Variants in SEC14L1 observed in about 807,000 individuals in gnomAD.
SEC14L1 encodes SEC14 like lipid binding 1, also known as SEC14-like protein 1.
In SEC14L1, 48 loss-of-function variants were observed where a neutral mutation model predicts 85.3. That is an observed-to-expected ratio of 0.56 (90% CI 0.45 to 0.72). SEC14L1 has a LOEUF of 0.72. Ranked by LOEUF, SEC14L1 falls within the 30% of genes least tolerant of loss-of-function variation. The pLI, the probability that SEC14L1 is intolerant of heterozygous loss-of-function variation, is 0.00. For synonymous variants in SEC14L1, 391 were observed against 355.5 expected, an observed-to-expected ratio of 1.10 and a Z score of -1.12; for missense variants, 682 against 921.4, an observed-to-expected ratio of 0.74 and a Z score of 3.36.
intron 2 of SEC14L1, among the ~76,000 whole-genome samples, chr17:77,091,967 A>G (rs1971529237): frequency 6.6e-6 from 1 of 152,098 alleles, no homozygotes; most frequent in African/African-American, 2.4e-5. Context: ...ACATGCCATC[A>G]CACCCGGCTA....
Position 77,190,886 on chromosome 17 carries a change from T to A in SEC14L1, c.147T>A (p.Asp49Glu). ...CTGTGAATGAATTCAAGAGCGAAGA[T>A]GGGGCTATTCATGTCATTGAAAGGC... ...SDTVNEFKSE[D>E]GAIHVIERRC... Residue 49 changes from aspartate to glutamate, a missense_variant, in exon 4 of 17, where the codon GAT becomes GAA. Transcript: ENST00000436233. 1 of 1,614,216 alleles carries A rather than the reference T, an allele frequency of 6.2e-7. No individual in the cohort carries two copies. The highest frequency in any genetic ancestry group is 8.5e-7 in the Non-Finnish European group (1 of 1,180,026).
At chr17:77,090,718 G>A (rs549112967) in intron 2 of SEC14L1, among the ~76,000 whole-genome samples, 9 of 152,002 alleles carry the variant, frequency 5.9e-5, no homozygotes, top group Non-Finnish European at 1.2e-4. Context: ...AGCTGGGCGC[G>A]GTGGCTCACA....
intron 7 of SEC14L1, 142 bp from the exon 8 acceptor site, chr17:77,196,060 A>T (rs769047472): frequency 9.5e-6 from 6 of 628,506 alleles, no homozygotes; most frequent in Non-Finnish European, 1.7e-5. Flanking sequence ...CCTCTAAGGA[A>T]TCTGGTTTAC....
chr17:77,125,165 T>C (rs1355259733), intron 3 of SEC14L1, among the ~76,000 whole-genome samples: 1 of 151,848 alleles, frequency 6.6e-6, no homozygotes, highest in East Asian at 1.9e-4. Context: ...CCCGGCTAAT[T>C]TTTCTATTTT....
intron 3 of SEC14L1, among the ~76,000 whole-genome samples, chr17:77,165,066 C>T (rs778029953): frequency 3.3e-5 from 5 of 152,184 alleles, no homozygotes; most frequent in African/African-American, 7.2e-5. Context: ...TCCTGTTACT[C>T]AGTACCCCTT....
intron 2 of SEC14L1, among the ~76,000 whole-genome samples, chr17:77,090,667 C>T (rs530010851): frequency 3.3e-5 from 5 of 151,908 alleles, no homozygotes; most frequent in African/African-American, 1.2e-4. Context: ...GCCCAGAAAG[C>T]AAAGTGGAGA....
chr17:77,180,088 GTTA>G (rs1376622393), intron 3 of SEC14L1, among the ~76,000 whole-genome samples: 4 of 139,282 alleles, frequency 2.9e-5, no homozygotes, highest in African/African-American at 5.2e-5. Flanking sequence ...GTTATGTTAT[GTTA>G]TGTTATGTTA....
chr17:77,153,223 C>T (rs898879615), intron 3 of SEC14L1, among the ~76,000 whole-genome samples: 8 of 152,304 alleles, frequency 5.3e-5, no homozygotes, highest in Admixed American at 2.0e-4. Context: ...TGCGCCACCA[C>T]GCCCGGCTAA....
At chr17:77,119,827 C>T (rs1487091740) in intron 3 of SEC14L1, among the ~76,000 whole-genome samples, 2 of 152,140 alleles carry the variant, frequency 1.3e-5, no homozygotes, top group African/African-American at 4.8e-5. Context: ...CCAAAGCTGT[C>T]ACTATGAGAA....
chr17:77,105,601 AC>A (rs1185716194), intron 3 of SEC14L1, among the ~76,000 whole-genome samples: 6 of 152,064 alleles, frequency 3.9e-5, no homozygotes, highest in African/African-American at 1.4e-4. Context: ...GAAAAACTTT[AC>A]CCTCATGTTC....
intron 5 of SEC14L1, among the ~76,000 whole-genome samples, chr17:77,192,590 G>T (rs1298438059): frequency 6.6e-6 from 1 of 151,872 alleles, no homozygotes; most frequent in Non-Finnish European, 1.5e-5. Context: ...CTCCCATCTC[G>T]GCTCAGGTCA....
chr17:77,089,787 G>A (rs141525298), intron 2 of SEC14L1: 2,818 of 204,376 alleles, frequency 0.014, 35 homozygotes, highest in Middle Eastern at 0.025. Flanking sequence ...AGGCCGAGGC[G>A]GGTGGATCAC....
chr17:77,119,602 G>T (rs1246711366), intron 3 of SEC14L1, among the ~76,000 whole-genome samples: 1 of 152,166 alleles, frequency 6.6e-6, no homozygotes, highest in African/African-American at 2.4e-5. Flanking sequence ...CAGGATCAAA[G>T]AGTATGTATT....
intron 3 of SEC14L1, among the ~76,000 whole-genome samples, chr17:77,125,709 G>C (rs1445783043): frequency 2.0e-5 from 3 of 152,184 alleles, no homozygotes; most frequent in Non-Finnish European, 4.4e-5. Context: ...GCTTTCACTC[G>C]GGGCCTTCCT....
intron 3 of SEC14L1, among the ~76,000 whole-genome samples, chr17:77,105,078 GT>G (rs1971878025): frequency 6.6e-6 from 1 of 152,080 alleles, no homozygotes; most frequent in Non-Finnish European, 1.5e-5. Context: ...ATTCTTTTGA[GT>G]TTCTGATGAG....
At chr17:77,116,012 G>A (rs1460492664) in intron 3 of SEC14L1, among the ~76,000 whole-genome samples, 1 of 151,552 alleles carries the variant, frequency 6.6e-6, no homozygotes, top group African/African-American at 2.4e-5. Flanking sequence ...TCCAACTCCT[G>A]GGCTCAGGCG....
At position 77,213,564 on chromosome 17, in the gene SEC14L1, C is replaced by A. The variant is rs1282511359; in HGVS notation, c.2042+72C>A. Reference sequence around the variant, plus strand: ...GTTGGAGGGAGCCTGCAGTCCCACGCCGTGTGCAGGATCAGCAGTGGCGGC... The same window carrying A: ...GTTGGAGGGAGCCTGCAGTCCCACGACGTGTGCAGGATCAGCAGTGGCGGC... On this transcript the variant is annotated intron_variant, in intron 16 of 16. Transcript: ENST00000436233. This position sits in a 1 kb window ranked among gnomAD's most constrained non-coding sequence, Gnocchi z 7.1. 20 of 1,552,488 alleles carry A rather than the reference C, an allele frequency of 1.3e-5. No individual in the cohort carries two copies. The highest frequency in any genetic ancestry group is 1.7e-5 in the Non-Finnish European group (19 of 1,140,114).
chr17:77,154,457 A>G (rs556288600), intron 3 of SEC14L1, among the ~76,000 whole-genome samples: 1 of 152,280 alleles, frequency 6.6e-6, no homozygotes, highest in South Asian at 2.1e-4. Context: ...CCTGTATCTA[A>G]AAGATGTGTG....
chr17:77,216,017 T>C lies in SEC14L1; in HGVS notation c.*1994T>C, dbSNP rs62649955. 37 of 906,572 alleles carry C rather than the reference T, an allele frequency of 4.1e-5. No homozygotes were observed. Among genetic ancestry groups the C allele is most frequent in the South Asian group, 3.2e-4 (6 of 18,528 alleles). 56.2% of individuals were successfully genotyped at this position (906,572 alleles called of 1,614,324 possible). ...TAGTAGGTAGGGTTCGTAGGTAGGG[T>C]TCGTAGGTAGGGCTAGTAGGTAGGG... On this transcript the variant is annotated 3_prime_UTR_variant, in exon 17 of 17. Coordinates refer to ENST00000436233, the MANE Select transcript of SEC14L1 (RefSeq NM_001143998.2).
Sources: gnomAD v4.1 joint callset for allele counts (sites outside exome capture counted in the v4.1 genomes callset) on GRCh38, gnomAD v4.1.1 for gene constraint, Gnocchi (gnomAD v3.1) non-coding constraint, MANE v1.5 for transcripts, NCBI Gene and HGNC (gene_info 2026-07-23, HGNC 2026-07-21) for gene names.